Variants in EHD4 observed in about 807,000 individuals in gnomAD.
EHD4 encodes EH domain-containing protein 4.
A neutral mutation model predicts 51.0 loss-of-function variants in EHD4; 37 were observed. That is an observed-to-expected ratio of 0.73 (90% CI 0.56 to 0.95). The LOEUF (loss-of-function observed/expected upper bound fraction) is 0.95. Among genes scored for constraint, EHD4 ranks in the 40% least tolerant of loss-of-function variants. The pLI is 0.00. For missense variants in EHD4, 632 were observed against 733.1 expected, an observed-to-expected ratio of 0.86 and a Z score of 1.59; for synonymous variants, 297 against 317.3, an observed-to-expected ratio of 0.94 and a Z score of 0.68.
chr15:41,914,600 T>C (rs1255189685), intron 4 of EHD4, among the ~76,000 whole-genome samples: 1 of 152,066 alleles, frequency 6.6e-6, no homozygotes. Context: ...GGCTTCCATT[T>C]ATGGGCTCAA....
chr15:41,952,998 CAAAA>C (rs33930801), intron 2 of EHD4, among the ~76,000 whole-genome samples: 5 of 69,088 alleles, frequency 7.2e-5, no homozygotes, highest in Admixed American at 3.9e-4. Flanking sequence ...TTCCCCCCCG[CAAAA>C]AAAAAAAAAA....
chr15:41,908,762 T>C (rs562783046), intron 5 of EHD4: 2 of 152,366 alleles, frequency 1.3e-5, no homozygotes, highest in East Asian at 3.9e-4. Context: ...TCGGGATGGT[T>C]TTCTTCCTTG....
chr15:41,928,938 G>T (rs1039965379), intron 3 of EHD4: 1 of 152,234 alleles, frequency 6.6e-6, no homozygotes, highest in Non-Finnish European at 1.5e-5. Context: ...TACCAAACCC[G>T]GTCTGGGAGA....
At chr15:41,933,208 G>A (rs547660238) in intron 3 of EHD4, among the ~76,000 whole-genome samples, 16 of 152,234 alleles carry the variant, frequency 1.1e-4, no homozygotes, top group Non-Finnish European at 1.5e-4. Context: ...TATTTTCAGC[G>A]TTTCCCCAAC....
chr15:41,909,685 T>C lies in EHD4; in HGVS notation c.1089+14A>G. 1.9e-6 allele frequency: 3 copies of C among 1,614,002 alleles called. No individual in the cohort carries two copies. The highest frequency in any genetic ancestry group is 1.7e-6 in the Non-Finnish European group (2 of 1,179,844). ...CTGCCCTCTGCCCGTGACATTGTAG[T>C]GGGCTCCCAGTACCTGCATAGCCTT... On this transcript the variant is annotated intron_variant, in intron 5 of 5. Coordinates refer to ENST00000220325, the MANE Select transcript of EHD4 (RefSeq NM_139265.4).
At chr15:41,962,133 T>C (rs1252953771) in intron 1 of EHD4, among the ~76,000 whole-genome samples, 1 of 152,212 alleles carries the variant, frequency 6.6e-6, no homozygotes, top group Non-Finnish European at 1.5e-5. Flanking sequence ...AGGTCTGCGT[T>C]AAAGCAATGG....
At chr15:41,970,585 T>C (rs908875950) in intron 1 of EHD4, among the ~76,000 whole-genome samples, 1 of 151,992 alleles carries the variant, frequency 6.6e-6, no homozygotes, top group African/African-American at 2.4e-5. Flanking sequence ...TTCCTGGGAG[T>C]TGATAATCAG....
intron 1 of EHD4, among the ~76,000 whole-genome samples, chr15:41,962,655 G>A (rs1189962869): frequency 2.0e-5 from 3 of 151,938 alleles, no homozygotes; most frequent in African/African-American, 4.8e-5. Context: ...CCGGCCAGCC[G>A]CCCCGTCCGG....
At chr15:41,970,750 G>A (rs1422804118) in intron 1 of EHD4, among the ~76,000 whole-genome samples, 4 of 152,194 alleles carry the variant, frequency 2.6e-5, no homozygotes, top group African/African-American at 9.7e-5. Context: ...GTGGGGACAT[G>A]CCACCACTAA....
chr15:41,940,370 G>A (rs564365254), intron 3 of EHD4, among the ~76,000 whole-genome samples: 2 of 152,362 alleles, frequency 1.3e-5, no homozygotes, highest in East Asian at 1.9e-4. Context: ...CTGGTCTTAC[G>A]AAGCTGGGTG....
chr15:41,945,669 C>T (rs1367528716), intron 2 of EHD4, among the ~76,000 whole-genome samples: 4 of 152,184 alleles, frequency 2.6e-5, no homozygotes, highest in Non-Finnish European at 5.9e-5. Context: ...GCTCATGCTG[C>T]GAGGTGACAA....
rs554971988 is a variant in EHD4 at position 41,949,124 on chromosome 15, C to G, written c.413+4640G>C. On this transcript the variant is annotated intron_variant, in intron 2 of 5. Transcript: ENST00000220325. ...GTGGCTCATGCCTGTAATCCCAGCA[C>G]TTTGGGAGGCCGAGGCAGGTGGATC... is the stretch of plus-strand genomic sequence containing the variant. 2.0e-5 allele frequency among the ~76,000 whole-genome samples: 3 copies of G among 149,606 alleles called. No homozygotes were observed. The South Asian group carries it at 6.5e-4, about 32-fold the overall frequency.
At chr15:41,937,883 A>G (rs1319176684) in intron 3 of EHD4, among the ~76,000 whole-genome samples, 1 of 152,156 alleles carries the variant, frequency 6.6e-6, no homozygotes, top group Admixed American at 6.5e-5. Context: ...ACCTTATCCG[A>G]AAAGGTTGGG....
At chr15:41,913,949 G>A (rs2067566190) in intron 4 of EHD4, among the ~76,000 whole-genome samples, 2 of 152,176 alleles carry the variant, frequency 1.3e-5, no homozygotes, top group African/African-American at 4.8e-5. Flanking sequence ...ATAACTCAAT[G>A]AGCAGAAAGG....
intron 1 of EHD4, among the ~76,000 whole-genome samples, chr15:41,961,923 GA>G (rs1384324876): frequency 6.6e-6 from 1 of 152,146 alleles, no homozygotes; most frequent in African/African-American, 2.4e-5. Flanking sequence ...CAAGCTGTCA[GA>G]ATAACTTCTT....
chr15:41,951,731 C>T (rs926882477), intron 2 of EHD4, among the ~76,000 whole-genome samples: 1 of 152,184 alleles, frequency 6.6e-6, no homozygotes, highest in Non-Finnish European at 1.5e-5. Flanking sequence ...CTGTTCTGGT[C>T]TACTTCCCCT....
At position 41,960,371 on chromosome 15, in the gene EHD4, A is replaced by G. The variant is rs1422191750; in HGVS notation, c.237-6431T>C. 3.9e-5 allele frequency among the ~76,000 whole-genome samples: 6 copies of G among 152,244 alleles called. No homozygotes were observed. In the East Asian group the frequency reaches 1.2e-3, roughly 29 times the overall value. On this transcript the variant is annotated intron_variant, in intron 1 of 5. Transcript: ENST00000220325. ...ATCCCATCATTTTTCAGTAAATGTA[A>G]TTTTCCTTTATAAAATTGAGATAAA...
intron 2 of EHD4, among the ~76,000 whole-genome samples, chr15:41,943,668 C>T (rs1290408060): frequency 1.3e-5 from 2 of 152,256 alleles, no homozygotes. Context: ...CCTGCCCAAG[C>T]ATCCTGGGCC....
intron 3 of EHD4, among the ~76,000 whole-genome samples, chr15:41,933,714 A>G (rs1260466042): frequency 6.6e-6 from 1 of 152,226 alleles, no homozygotes; most frequent in Non-Finnish European, 1.5e-5. Context: ...AGGCTGTGTA[A>G]CAGGAATGTC....
Sources: allele counts gnomAD v4.1 joint callset (sites outside exome capture counted in the v4.1 genomes callset), GRCh38; gene constraint gnomAD v4.1.1; transcripts MANE v1.5; gene names NCBI Gene and HGNC (gene_info 2026-07-23, HGNC 2026-07-21).